The following BCAS3 variants were observed in gnomAD, a reference collection of about 807,000 sequenced individuals.
The protein encoded by BCAS3 is BCAS3 microtubule associated cell migration factor, also known as BCAS4/BCAS3 fusion.
A neutral mutation model predicts 116.1 loss-of-function variants in BCAS3; 53 were observed. The observed-to-expected ratio is 0.46, with a 90% CI of 0.37 to 0.57. The LOEUF is 0.57. Among genes scored for constraint, BCAS3 ranks in the 20% least tolerant of loss-of-function variants. BCAS3 has a pLI of 0.00. For missense variants in BCAS3, 917 were observed against 1,165.4 expected (o/e 0.79, Z 3.10); for synonymous variants, 391 against 408.2 (o/e 0.96, Z 0.51).
At chr17:60,748,422 C>T (rs964679295) in intron 6 of BCAS3, among the ~76,000 whole-genome samples, 1 of 152,140 alleles carries the variant, frequency 6.6e-6, no homozygotes, top group East Asian at 1.9e-4. Context: ...TGCTGTCTCT[C>T]GCTCTCTCAT....
intron 13 of BCAS3, among the ~76,000 whole-genome samples, chr17:60,926,529 C>T (rs1039073645): frequency 6.6e-6 from 1 of 152,044 alleles, no homozygotes. Flanking sequence ...GATTGGTAAT[C>T]AGTAGGATTG....
chr17:60,747,159 A>G, intron 5 of BCAS3, 39 bp from the exon 6 acceptor site: 1 of 1,440,832 alleles, frequency 6.9e-7, no homozygotes, highest in Non-Finnish European at 9.7e-7. Flanking sequence ...TGTGACCTTC[A>G]TTTTCCCACT....
intron 13 of BCAS3, among the ~76,000 whole-genome samples, chr17:60,941,874 GATTTAAAACGAA>G (rs1241782011): frequency 6.6e-6 from 1 of 152,194 alleles, no homozygotes; most frequent in African/African-American, 2.4e-5. Context: ...AAAATGGTAT[GATTTAAAACGAA>G]ATTTAATGAA....
chr17:61,297,660 A>T (rs2053049447), intron 22 of BCAS3, among the ~76,000 whole-genome samples: 1 of 152,154 alleles, frequency 6.6e-6, no homozygotes, highest in Non-Finnish European at 1.5e-5. Context: ...GGTCAGTGTG[A>T]TGGGGGTCCT....
At chr17:60,800,188 C>T (rs557243196) in intron 6 of BCAS3, among the ~76,000 whole-genome samples, 51 of 152,028 alleles carry the variant, frequency 3.4e-4, no homozygotes, top group Non-Finnish European at 5.0e-4. Flanking sequence ...GTGATGATTG[C>T]GGCATTTTAT....
chr17:61,137,330 A>G (rs1601517586), intron 22 of BCAS3, among the ~76,000 whole-genome samples: 1 of 152,192 alleles, frequency 6.6e-6, no homozygotes, highest in African/African-American at 2.4e-5. Flanking sequence ...ATTCCATCTG[A>G]CCATGTTGCT....
At chr17:60,838,506 A>C (rs939444970) in intron 7 of BCAS3, among the ~76,000 whole-genome samples, 1 of 151,976 alleles carries the variant, frequency 6.6e-6, no homozygotes, top group Non-Finnish European at 1.5e-5. Flanking sequence ...CCCCCGAGAA[A>C]GATAGTGAAA....
Position 60,978,220 on chromosome 17 carries a change from T to A in BCAS3, c.1222-11751T>A, listed in dbSNP as rs1263548954. On this transcript the variant is annotated intron_variant, in intron 14 of 23. Coordinates refer to ENST00000407086, the MANE Select transcript of BCAS3 (RefSeq NM_017679.5). ...TAACTGGTGTGAGATGGTATCTCAT[T>A]GTGGTTTTGATTTGCATTTCTCTGA... Among the ~76,000 whole-genome samples the A allele has an allele frequency of 1.4e-3, 177 of 130,620 alleles. 1 individual carries two copies. Among genetic ancestry groups the A allele is most frequent in the Non-Finnish European group, 2.0e-3 (131 of 66,344 alleles). 85.7% of individuals were successfully genotyped at this position (130,620 alleles called of 152,430 possible).
chr17:61,094,557 A>G (rs1005236268), intron 22 of BCAS3, among the ~76,000 whole-genome samples: 3 of 152,190 alleles, frequency 2.0e-5, no homozygotes, highest in African/African-American at 7.2e-5. Flanking sequence ...ATATTTAAAG[A>G]CATTTCTCGG....
At chr17:61,192,466 A>G in intron 22 of BCAS3, among the ~76,000 whole-genome samples, 1 of 152,114 alleles carries the variant, frequency 6.6e-6, no homozygotes, top group South Asian at 2.1e-4. Context: ...AAGACCATTG[A>G]TTTTTAAAAG....
At chr17:60,850,533 A>G (rs2053032183) in intron 7 of BCAS3, among the ~76,000 whole-genome samples, 1 of 151,392 alleles carries the variant, frequency 6.6e-6, no homozygotes, top group East Asian at 1.9e-4. Context: ...TAATTTTTGT[A>G]TTTTTAGTAG....
chr17:61,293,216 A>G (rs1034292019), intron 22 of BCAS3, among the ~76,000 whole-genome samples: 1 of 152,210 alleles, frequency 6.6e-6, no homozygotes, highest in Non-Finnish European at 1.5e-5. Flanking sequence ...ATTTGGGAAC[A>G]AATGGAGGGA....
intron 15 of BCAS3, among the ~76,000 whole-genome samples, chr17:61,003,149 C>T (rs549968277): frequency 1.1e-4 from 16 of 151,566 alleles, no homozygotes; most frequent in Non-Finnish European, 2.4e-4. Context: ...ACATTGAGCC[C>T]CTAATCTTCT....
chr17:60,928,833 C>T (rs1472463546), intron 13 of BCAS3, among the ~76,000 whole-genome samples: 2 of 152,056 alleles, frequency 1.3e-5, no homozygotes, highest in African/African-American at 4.8e-5. Flanking sequence ...CATTAGGTGA[C>T]ATTTTATTTT....
chr17:60,855,554 A>G (rs549281193), intron 7 of BCAS3, among the ~76,000 whole-genome samples: 1 of 147,912 alleles, frequency 6.8e-6, no homozygotes, highest in African/African-American at 2.5e-5. Context: ...TCCCAGGTTC[A>G]CGCCATTCTC....
At chr17:61,341,029 C>A (rs1485467426) in intron 22 of BCAS3, among the ~76,000 whole-genome samples, 1 of 152,078 alleles carries the variant, frequency 6.6e-6, no homozygotes, top group Non-Finnish European at 1.5e-5. Context: ...GCCTGAGAGG[C>A]CAGGTTGCTG....
intron 22 of BCAS3, among the ~76,000 whole-genome samples, chr17:61,127,843 G>A (rs1033228062): frequency 6.6e-5 from 10 of 150,624 alleles, no homozygotes; most frequent in Admixed American, 2.7e-4. Flanking sequence ...TTAGTTGGGT[G>A]ATATAAAAAA....
chr17:60,703,139 G>C (rs1215268239), intron 4 of BCAS3, among the ~76,000 whole-genome samples: 1 of 151,960 alleles, frequency 6.6e-6, no homozygotes, highest in Non-Finnish European at 1.5e-5. Flanking sequence ...GCTGGGTGTT[G>C]TGGCAGGTGC....
chr17:61,014,215 G>T (rs1277410544), intron 15 of BCAS3, among the ~76,000 whole-genome samples: 1 of 152,082 alleles, frequency 6.6e-6, no homozygotes, highest in Non-Finnish European at 1.5e-5. Context: ...TCAATAAGAA[G>T]TTTTTTGCAT....
Sources: allele counts gnomAD v4.1 joint callset (sites outside exome capture counted in the v4.1 genomes callset), GRCh38; gene constraint gnomAD v4.1.1; transcripts MANE v1.5; gene names NCBI Gene and HGNC (gene_info 2026-07-23, HGNC 2026-07-21).